ZFPM2: variants seen among roughly 807,000 people sequenced by gnomAD.
The protein encoded by ZFPM2 is zinc finger protein, FOG family member 2.
In ZFPM2, 20 loss-of-function variants were observed where a neutral mutation model predicts 98.6. The observed-to-expected ratio is 0.20, with a 90% confidence interval of 0.14 to 0.29. The LOEUF (loss-of-function observed/expected upper bound fraction) is 0.29, where lower values mean the gene tolerates loss of function less well. ZFPM2 is among the 10% of genes least tolerant of loss of function. The pLI, the probability that ZFPM2 is intolerant of heterozygous loss-of-function variation, is 1.00. For synonymous variants in ZFPM2, 518 were observed against 502.7 expected, an observed-to-expected ratio of 1.03 and a Z score of -0.41; for missense variants, 1,310 against 1,388.6, an observed-to-expected ratio of 0.94 and a Z score of 0.90.
intron 3 of ZFPM2, among the ~76,000 whole-genome samples, chr8:105,500,037 A>G (rs1415329630): frequency 6.6e-6 from 1 of 152,202 alleles, no homozygotes; most frequent in Non-Finnish European, 1.5e-5. Context: ...TGTCTCCGTT[A>G]TTGCAGAGAA....
intron 4 of ZFPM2, among the ~76,000 whole-genome samples, chr8:105,619,869 T>C (rs1011471302): frequency 6.6e-6 from 1 of 152,186 alleles, no homozygotes; most frequent in African/African-American, 2.4e-5. Flanking sequence ...ACTCATCCTT[T>C]TTTATGGCTG....
intron 3 of ZFPM2, among the ~76,000 whole-genome samples, chr8:105,508,165 A>G (rs1396597740): frequency 6.6e-6 from 1 of 152,096 alleles, no homozygotes; most frequent in Admixed American, 6.5e-5. Context: ...TCTTTTGGAG[A>G]ATACCTCACC....
chr8:105,529,808 G>T (rs1314183300), intron 3 of ZFPM2, among the ~76,000 whole-genome samples: 1 of 151,784 alleles, frequency 6.6e-6, no homozygotes, highest in Non-Finnish European at 1.5e-5. Flanking sequence ...TCAGCTCACT[G>T]CAACCTCTGC....
chr8:105,554,180 A>G lies in ZFPM2; in HGVS notation c.302-7183A>G, dbSNP rs867690458. Among the ~76,000 whole-genome samples, 6 of 152,324 alleles carry G rather than the reference A, an allele frequency of 3.9e-5. No homozygotes were observed. In the South Asian group the frequency reaches 6.2e-4, roughly 16 times the overall value. ...GAACTATCATTTCCTGAGCCAAACC[A>G]TGCTTAGAGATGGATCAATATAGCA... On this transcript the variant is annotated intron_variant, in intron 3 of 7. Transcript: ENST00000407775.
chr8:105,655,671 C>G (rs1422352054), intron 5 of ZFPM2, among the ~76,000 whole-genome samples: 1 of 152,178 alleles, frequency 6.6e-6, no homozygotes, highest in African/African-American at 2.4e-5. Context: ...TCACACAACC[C>G]TCTACCATAA....
At chr8:105,651,038 C>T (rs913394948) in intron 5 of ZFPM2, among the ~76,000 whole-genome samples, 1 of 152,156 alleles carries the variant, frequency 6.6e-6, no homozygotes, top group African/African-American at 2.4e-5. Flanking sequence ...GTGACTCTTA[C>T]AGGTCTCCTG....
chr8:105,466,157 T>C (rs1433054539), intron 3 of ZFPM2, among the ~76,000 whole-genome samples: 5 of 152,024 alleles, frequency 3.3e-5, no homozygotes, highest in African/African-American at 4.8e-5. Flanking sequence ...TATTTTAATA[T>C]GAATGCATTT....
chr8:105,326,259 T>C (rs75325085), intron 1 of ZFPM2, among the ~76,000 whole-genome samples: 5,817 of 151,908 alleles, frequency 0.038, 370 homozygotes, highest in African/African-American at 0.13. Context: ...CACACTATTT[T>C]GCAGCTATTC....
At position 105,381,843 on chromosome 8, in the gene ZFPM2, A is replaced by G. The variant is rs147505742; in HGVS notation, c.41-37301A>G. ...TTTGATCCACCAATATTACCATTAT[A>G]TGGTACATTTTCATAGACTACTTTT... On this transcript the variant is annotated intron_variant, in intron 1 of 7. Coordinates refer to ENST00000407775, the MANE Select transcript of ZFPM2 (RefSeq NM_012082.4). Among the ~76,000 whole-genome samples, 1,040 of 152,228 alleles carry G rather than the reference A, an allele frequency of 6.8e-3. 3 individuals carry two copies. The highest frequency in any genetic ancestry group is 0.011 in the Non-Finnish European group (743 of 68,002).
chr8:105,763,675 A>G (rs1331383160), intron 5 of ZFPM2, among the ~76,000 whole-genome samples: 1 of 151,928 alleles, frequency 6.6e-6, no homozygotes. Context: ...AGGATTAAGT[A>G]GATTGTCCAA....
intron 5 of ZFPM2, among the ~76,000 whole-genome samples, chr8:105,767,376 T>A (rs1160857023): frequency 6.6e-6 from 1 of 151,890 alleles, no homozygotes; most frequent in Non-Finnish European, 1.5e-5. Flanking sequence ...AGGCTCAGGA[T>A]TGGAGCGATT....
chr8:105,571,324 C>G (rs1815350466), intron 4 of ZFPM2, among the ~76,000 whole-genome samples: 1 of 152,186 alleles, frequency 6.6e-6, no homozygotes, highest in African/African-American at 2.4e-5. Flanking sequence ...ATCCCTGCCT[C>G]TCTAGGGAAA....
chr8:105,514,342 A>T (rs1280281737), intron 3 of ZFPM2, among the ~76,000 whole-genome samples: 2 of 141,694 alleles, frequency 1.4e-5, no homozygotes, highest in African/African-American at 5.3e-5. Context: ...TTTTTAAATA[A>T]GGGAGCCAGA....
At chr8:105,341,521 T>C (rs563864309) in intron 1 of ZFPM2, among the ~76,000 whole-genome samples, 2 of 152,092 alleles carry the variant, frequency 1.3e-5, no homozygotes, top group South Asian at 4.1e-4. Flanking sequence ...ACAGTATGTA[T>C]GTTACTGTAA....
At chr8:105,510,721 C>G (rs964234595) in intron 3 of ZFPM2, among the ~76,000 whole-genome samples, 3 of 141,960 alleles carry the variant, frequency 2.1e-5, no homozygotes, top group African/African-American at 8.9e-5. Context: ...GTTTCAAAGA[C>G]TCCTTCCAAT....
intron 1 of ZFPM2, among the ~76,000 whole-genome samples, chr8:105,324,846 C>T (rs1563604075): frequency 2.0e-5 from 3 of 151,652 alleles, no homozygotes; most frequent in African/African-American, 7.3e-5. Flanking sequence ...TAAAGTGATA[C>T]CATTTAGAGA....
chr8:105,722,913 T>A (rs1487436977), intron 5 of ZFPM2, among the ~76,000 whole-genome samples: 1 of 151,926 alleles, frequency 6.6e-6, no homozygotes, highest in Non-Finnish European at 1.5e-5. Flanking sequence ...TGTTTTAGTT[T>A]CAGTGCCAGT....
At chr8:105,408,682 A>ATT (rs61304474) in intron 1 of ZFPM2, among the ~76,000 whole-genome samples, 1 of 150,024 alleles carries the variant, frequency 6.7e-6, no homozygotes, top group African/African-American at 2.5e-5. Flanking sequence ...TTATGTGAGG[A>ATT]TTTTTTTTTT....
chr8:105,484,806 C>G (rs989600077), intron 3 of ZFPM2, among the ~76,000 whole-genome samples: 5 of 152,140 alleles, frequency 3.3e-5, no homozygotes, highest in Admixed American at 2.0e-4. Context: ...GGGCCTTCAT[C>G]TATGGAAATT....
Sources: allele counts gnomAD v4.1 joint callset (sites outside exome capture counted in the v4.1 genomes callset), GRCh38; gene constraint gnomAD v4.1.1; transcripts MANE v1.5; gene names NCBI Gene and HGNC (gene_info 2026-07-23, HGNC 2026-07-21).